Variants in LDLRAD4 observed in about 807,000 individuals in gnomAD.
LDLRAD4 encodes the protein low density lipoprotein receptor class A domain containing 4.
In LDLRAD4, 5 loss-of-function variants were observed where a neutral mutation model predicts 17.0. The observed-to-expected ratio is 0.29, with a 90% CI of 0.15 to 0.62. LDLRAD4 has a LOEUF of 0.62. Ranked by LOEUF, LDLRAD4 falls within the 20% of genes least tolerant of loss-of-function variation. The pLI is 0.84. For missense variants in LDLRAD4, 340 were observed against 424.7 expected (o/e 0.80, Z 1.75); for synonymous variants, 168 against 171.8 (o/e 0.98, Z 0.17).
At chr18:13,620,826 A>G (rs2040555381) in intron 3 of LDLRAD4, 1 of 455,854 alleles carries the variant, frequency 2.2e-6, no homozygotes, top group Non-Finnish European at 4.0e-6. Flanking sequence ...ACTTTTCTAG[A>G]GCGGTGACAT....
intron 1 of LDLRAD4, among the ~76,000 whole-genome samples, chr18:13,264,084 C>T (rs888456334): frequency 3.3e-5 from 5 of 152,202 alleles, no homozygotes; most frequent in African/African-American, 7.2e-5. Context: ...GGACACGACC[C>T]GGCCCTGTCC....
chr18:13,612,219 G>A (rs751397383), intron 3 of LDLRAD4: 245 of 989,590 alleles, frequency 2.5e-4, no homozygotes, highest in Non-Finnish European at 2.8e-4. Context: ...GACAAGATGA[G>A]CCGTCTAGCT....
intron 3 of LDLRAD4, among the ~76,000 whole-genome samples, chr18:13,610,305 T>TTTTTTTTTTTTTTTTTTTTTTTTTTTTC (rs1491536129): frequency 1.2e-4 from 3 of 24,328 alleles, no homozygotes; most frequent in Non-Finnish European, 1.7e-4. Context: ...TTTTTTTTTT[T>TTTTTTTTTTTTTTTTTTTTTTTTTTTTC]GAGACGGAGT....
At chr18:13,601,470 A>G (rs2095160540) in intron 3 of LDLRAD4, among the ~76,000 whole-genome samples, 2 of 152,072 alleles carry the variant, frequency 1.3e-5, no homozygotes, top group South Asian at 4.2e-4. Context: ...GACAAAAAAT[A>G]ACAGATATTG....
chr18:13,620,066 G>A (rs991053864), intron 3 of LDLRAD4, among the ~76,000 whole-genome samples: 1 of 152,152 alleles, frequency 6.6e-6, no homozygotes, highest in East Asian at 1.9e-4. Flanking sequence ...CCTCACCCTC[G>A]GTTCCCAGGG....
chr18:13,426,924 G>A (rs563120417), intron 2 of LDLRAD4, among the ~76,000 whole-genome samples: 7 of 152,310 alleles, frequency 4.6e-5, no homozygotes, highest in East Asian at 1.9e-4. Context: ...AGTGGCTCAC[G>A]CCTGTAATCC....
chr18:13,578,924 C>A (rs2094817038), intron 3 of LDLRAD4, among the ~76,000 whole-genome samples: 1 of 138,152 alleles, frequency 7.2e-6, no homozygotes, highest in Non-Finnish European at 1.5e-5. Context: ...GGCGCAGTGG[C>A]TCACGCCTAT....
chr18:13,600,798 T>A lies in LDLRAD4; in HGVS notation c.182-20319T>A, dbSNP rs535174044. ...CCATTTCTAAGCTTGTAAATTTTTT[T>A]AAAATTACTTTTATTTGTATAACCA... On this transcript the variant is annotated intron_variant, in intron 3 of 5. Coordinates refer to ENST00000359446, the Ensembl canonical transcript of LDLRAD4. 5.3e-5 allele frequency among the ~76,000 whole-genome samples: 8 copies of A among 152,358 alleles called. No individual in the cohort carries two copies. The South Asian group carries it at 1.4e-3, about 28-fold the overall frequency.
chr18:13,574,535 G>T (rs1163592656), intron 3 of LDLRAD4, among the ~76,000 whole-genome samples: 2 of 152,214 alleles, frequency 1.3e-5, no homozygotes, highest in African/African-American at 4.8e-5. Context: ...AAGCCTCGAT[G>T]TGCGGCAGGA....
chr18:13,383,289 G>A (rs2085526139), intron 1 of LDLRAD4, among the ~76,000 whole-genome samples: 1 of 152,258 alleles, frequency 6.6e-6, no homozygotes, highest in African/African-American at 2.4e-5. Context: ...GGGAACTGGA[G>A]GATCTGCTGG....
chr18:13,431,731 G>T, intron 2 of LDLRAD4, among the ~76,000 whole-genome samples: 1 of 152,008 alleles, frequency 6.6e-6, no homozygotes, highest in Non-Finnish European at 1.5e-5. Flanking sequence ...GCTCTTCTCT[G>T]GTAATCTTAT....
intron 1 of LDLRAD4, among the ~76,000 whole-genome samples, chr18:13,385,392 A>C (rs2085719901): frequency 6.6e-6 from 1 of 152,212 alleles, no homozygotes. Flanking sequence ...CCCTGATCAG[A>C]AGTATGGCTT....
intron 1 of LDLRAD4, among the ~76,000 whole-genome samples, chr18:13,341,159 G>C (rs148648828): frequency 1.3e-5 from 2 of 151,702 alleles, no homozygotes; most frequent in African/African-American, 2.4e-5. Flanking sequence ...ATCAGGAATC[G>C]TGAGTCCTCC....
intron 3 of LDLRAD4, among the ~76,000 whole-genome samples, chr18:13,519,056 T>A (rs1161399070): frequency 6.6e-6 from 1 of 152,144 alleles, no homozygotes; most frequent in Non-Finnish European, 1.5e-5. Flanking sequence ...GCTGCAAGAG[T>A]GCATTAAAAT....
chr18:13,597,506 T>TTC (rs58235384), intron 3 of LDLRAD4, among the ~76,000 whole-genome samples: 59,017 of 147,662 alleles, frequency 0.4, 11,573 homozygotes, highest in Non-Finnish European at 0.42. Context: ...TTCTGCTCAT[T>TTC]TCTCTCTCTC....
chr18:13,413,421 A>G (rs575653243), intron 2 of LDLRAD4, among the ~76,000 whole-genome samples: 149 of 152,296 alleles, frequency 9.8e-4, no homozygotes, highest in Non-Finnish European at 1.5e-3. Flanking sequence ...CTATCACAGT[A>G]TTTTTAAACA....
intron 3 of LDLRAD4, among the ~76,000 whole-genome samples, chr18:13,541,180 G>A (rs945840790): frequency 4.6e-5 from 7 of 152,190 alleles, no homozygotes; most frequent in African/African-American, 1.2e-4. Context: ...GGAGGAAAAC[G>A]CAACAAAATG....
upstream of LDLRAD4, among the ~76,000 whole-genome samples, chr18:13,275,471 A>G (rs1204371010): frequency 6.6e-6 from 1 of 152,238 alleles, no homozygotes; most frequent in Admixed American, 6.5e-5. Context: ...GAAGGCTTGA[A>G]TAAGTTCGGT....
chr18:13,612,070 C>T (rs2039621849), intron 3 of LDLRAD4: 6 of 985,436 alleles, frequency 6.1e-6, no homozygotes, highest in Admixed American at 6.1e-5. Flanking sequence ...CCTTGGTAAG[C>T]GCCCTCTCCG....
Sources: gnomAD v4.1 joint callset for allele counts (sites outside exome capture counted in the v4.1 genomes callset) on GRCh38, gnomAD v4.1.1 for gene constraint, MANE v1.5 for transcripts, NCBI Gene and HGNC (gene_info 2026-07-23, HGNC 2026-07-21) for gene names.